Variants in KCNH8 observed in about 807,000 individuals in gnomAD.
KCNH8 encodes the protein voltage-gated delayed rectifier potassium channel KCNH8.
KCNH8 carries 70 observed loss-of-function variants against 103.6 expected under a neutral mutation model. The observed-to-expected ratio is 0.68, with a 90% CI of 0.56 to 0.82. The LOEUF is 0.82. Among genes scored for constraint, KCNH8 ranks in the 40% least tolerant of loss-of-function variants. The pLI is 0.00. For synonymous variants in KCNH8, 498 were observed against 489.4 expected (o/e 1.02, Z -0.23); for missense variants, 1,217 against 1,329.9 (o/e 0.92, Z 1.32).
intron 8 of KCNH8, among the ~76,000 whole-genome samples, chr3:19,447,449 C>T (rs2067379027): frequency 6.6e-6 from 1 of 151,966 alleles, no homozygotes; most frequent in Admixed American, 6.6e-5. Context: ...ACTTCTCTTA[C>T]TTTAAGTGCT....
At chr3:19,204,862 A>T (rs1043853182) in intron 1 of KCNH8, among the ~76,000 whole-genome samples, 1 of 151,898 alleles carries the variant, frequency 6.6e-6, no homozygotes, top group African/African-American at 2.4e-5. Flanking sequence ...TAAATATTGA[A>T]CTCTTCATTC....
chr3:19,513,390 T>G (rs1383937288), intron 13 of KCNH8, 65 bp downstream of exon 13: 2 of 1,513,256 alleles, frequency 1.3e-6, no homozygotes, highest in African/African-American at 2.8e-5. Flanking sequence ...GAGTAGTACC[T>G]GCCTTCAGCC....
chr3:19,279,024 G>A (rs1317644898), intron 2 of KCNH8, among the ~76,000 whole-genome samples: 1 of 152,138 alleles, frequency 6.6e-6, no homozygotes, highest in Non-Finnish European at 1.5e-5. Context: ...TTATGATTTG[G>A]TGATGTTCTT....
chr3:19,492,993 A>C (rs1439999654), intron 11 of KCNH8, among the ~76,000 whole-genome samples: 1 of 151,954 alleles, frequency 6.6e-6, no homozygotes, highest in Non-Finnish European at 1.5e-5. Flanking sequence ...ACTATTGTAA[A>C]TGAGATTGTG....
At chr3:19,280,652 G>A (rs778688091) in intron 2 of KCNH8, among the ~76,000 whole-genome samples, 3 of 152,052 alleles carry the variant, frequency 2.0e-5, no homozygotes, top group Non-Finnish European at 4.4e-5. Context: ...AATACTACCT[G>A]TGTTTAAAGT....
At chr3:19,440,225 T>C (rs2067262036) in intron 8 of KCNH8, among the ~76,000 whole-genome samples, 1 of 152,164 alleles carries the variant, frequency 6.6e-6, no homozygotes, top group Non-Finnish European at 1.5e-5. Context: ...ACATGAATTA[T>C]TGCATGTAAT....
intron 7 of KCNH8, among the ~76,000 whole-genome samples, chr3:19,424,636 G>C: frequency 6.6e-6 from 1 of 151,880 alleles, no homozygotes; most frequent in Non-Finnish European, 1.5e-5. Context: ...TAAAAAGGAG[G>C]AAATGATCAG....
chr3:19,497,546 G>C (rs1166055887), intron 11 of KCNH8, among the ~76,000 whole-genome samples: 2 of 152,038 alleles, frequency 1.3e-5, no homozygotes, highest in African/African-American at 4.8e-5. Context: ...GTAACTGTAT[G>C]GTTTTGAGAG....
chr3:19,325,520 G>C (rs541302195), intron 3 of KCNH8, among the ~76,000 whole-genome samples: 5 of 152,140 alleles, frequency 3.3e-5, no homozygotes, highest in African/African-American at 1.2e-4. Context: ...TTAAAAAATG[G>C]GCAAGGGACA....
intron 5 of KCNH8, among the ~76,000 whole-genome samples, chr3:19,384,880 C>T (rs1411873370): frequency 3.3e-5 from 5 of 152,028 alleles, no homozygotes; most frequent in Non-Finnish European, 7.4e-5. Context: ...AGGAGGCTTA[C>T]TATGTAAAAT....
intron 8 of KCNH8, among the ~76,000 whole-genome samples, chr3:19,447,660 T>C (rs2067382592): frequency 6.6e-6 from 1 of 152,028 alleles, no homozygotes; most frequent in South Asian, 2.1e-4. Context: ...ATGTTTAATT[T>C]CTTTGACTTG....
rs1028707549 is a variant in KCNH8 at position 19,366,677 on chromosome 3, AT to A, written c.811+18713del. 9.2e-5 allele frequency among the ~76,000 whole-genome samples: 14 copies of A among 152,116 alleles called. No homozygotes were observed. In the East Asian group the frequency reaches 1.2e-3, roughly 13 times the overall value. Reference sequence around the variant, plus strand: ...GTATGTTTTCTTAAAGTATAAAAAAATAAAATAAAATTCTACTCTCAAAATA... The same window carrying A: ...GTATGTTTTCTTAAAGTATAAAAAAAAAAATAAAATTCTACTCTCAAAATA... On this transcript the variant is annotated intron_variant, in intron 5 of 15. Transcript: ENST00000328405.
intron 2 of KCNH8, among the ~76,000 whole-genome samples, chr3:19,264,600 T>C (rs1657074762): frequency 6.6e-6 from 1 of 152,070 alleles, no homozygotes; most frequent in Admixed American, 6.6e-5. Context: ...TTTTTCGGCT[T>C]AGATTTAGTG....
intron 2 of KCNH8, among the ~76,000 whole-genome samples, chr3:19,259,065 AT>A (rs945701063): frequency 1.8e-4 from 27 of 149,334 alleles, no homozygotes; most frequent in African/African-American, 6.1e-4. Flanking sequence ...ACAACTATTT[AT>A]TTTAAAAGAG....
intron 2 of KCNH8, among the ~76,000 whole-genome samples, chr3:19,273,243 C>T (rs775794911): frequency 7.9e-5 from 12 of 152,176 alleles, no homozygotes; most frequent in Non-Finnish European, 1.0e-4. Flanking sequence ...TCATTTAAAG[C>T]AAGTTATTTC....
intron 5 of KCNH8, among the ~76,000 whole-genome samples, chr3:19,351,857 T>G (rs1368657671): frequency 1.3e-5 from 2 of 152,166 alleles, no homozygotes; most frequent in African/African-American, 4.8e-5. Context: ...GCTGACATCA[T>G]AATGACAGGA....
chr3:19,358,159 TCTTCCTTCCTTTTCTTC>T (rs1419984066), intron 5 of KCNH8, among the ~76,000 whole-genome samples: 5 of 141,770 alleles, frequency 3.5e-5, no homozygotes, highest in African/African-American at 8.4e-5. Flanking sequence ...TTCCTTCCTT[TCTTCCTTCCTTTTCTTC>T]CTTCCTTCCT....
At chr3:19,258,947 C>CTCTATATATATATATATATATA (rs1321918245) in intron 2 of KCNH8, among the ~76,000 whole-genome samples, 2 of 24,792 alleles carry the variant, frequency 8.1e-5, no homozygotes, top group Non-Finnish European at 1.6e-4. Context: ...CTCTCTCTCT[C>CTCTATATATATATATATATATA]TATATATATA....
intron 11 of KCNH8, among the ~76,000 whole-genome samples, chr3:19,464,826 C>T (rs186201110): frequency 3.9e-5 from 6 of 152,026 alleles, no homozygotes; most frequent in Admixed American, 6.6e-5. Flanking sequence ...ACACCTCTTC[C>T]CTCCTCAGTC....
Sources: allele counts gnomAD v4.1 joint callset (sites outside exome capture counted in the v4.1 genomes callset), GRCh38; gene constraint gnomAD v4.1.1; transcripts MANE v1.5; gene names NCBI Gene and HGNC (gene_info 2026-07-23, HGNC 2026-07-21).